SNTG2: variants seen among roughly 807,000 people sequenced by gnomAD.
SNTG2 encodes gamma-2-syntrophin.
A neutral mutation model predicts 70.9 loss-of-function variants in SNTG2; 74 were observed. That is an observed-to-expected ratio of 1.04 (90% CI 0.86 to 1.27). The LOEUF (loss-of-function observed/expected upper bound fraction) is 1.27, where lower values mean the gene tolerates loss of function less well. Among genes scored for constraint, SNTG2 ranks in the 50% most tolerant of loss-of-function variants. The pLI is 0.00. For synonymous variants in SNTG2, 278 were observed against 273.8 expected (o/e 1.02, Z -0.15); for missense variants, 717 against 690.7 (o/e 1.04, Z -0.43).
chr2:1,113,021 CTAAG>C (rs1242692377), intron 4 of SNTG2, among the ~76,000 whole-genome samples: 3 of 151,590 alleles, frequency 2.0e-5, no homozygotes, highest in Non-Finnish European at 4.4e-5. Flanking sequence ...ATCATGTGTA[CTAAG>C]TGAGGTGTAA....
At chr2:960,693 C>G (rs1423841162) in intron 1 of SNTG2, among the ~76,000 whole-genome samples, 1 of 134,470 alleles carries the variant, frequency 7.4e-6, no homozygotes, top group Non-Finnish European at 1.5e-5. Context: ...ATGGTGAGCT[C>G]TGAGGGTTCC....
intron 4 of SNTG2, among the ~76,000 whole-genome samples, chr2:1,099,797 C>T (rs868233881): frequency 6.6e-6 from 1 of 152,104 alleles, no homozygotes; most frequent in Admixed American, 6.5e-5. Context: ...AACACGTTCT[C>T]AGGGAAGAGA....
intron 8 of SNTG2, among the ~76,000 whole-genome samples, chr2:1,203,673 A>AAAAAAATATATAT (rs1451954919): frequency 6.1e-5 from 7 of 115,538 alleles, no homozygotes; most frequent in African/African-American, 2.2e-4. Flanking sequence ...CAAAAAAAAA[A>AAAAAAATATATAT]ATATATATAT....
At chr2:1,273,598 C>T (rs904161134) in intron 14 of SNTG2, among the ~76,000 whole-genome samples, 18 of 149,100 alleles carry the variant, frequency 1.2e-4, no homozygotes, top group African/African-American at 3.0e-4. Context: ...TGCCTATATA[C>T]GAAAAAAAGA....
At chr2:1,100,106 T>G (rs1228649428) in intron 4 of SNTG2, among the ~76,000 whole-genome samples, 1 of 151,784 alleles carries the variant, frequency 6.6e-6, no homozygotes, top group Non-Finnish European at 1.5e-5. Context: ...GCGGGAAAAG[T>G]GAGAGAGCTA....
In SNTG2 at chr2:995,770, T is replaced by G. The variant is rs182998304; in HGVS notation, c.72+44702T>G. On this transcript the variant is annotated intron_variant, in intron 1 of 16. Transcript: ENST00000308624. ...GAATGTGTCAATTTCATTTAAGTTA[T>G]ATAATTTTCCCAAAGCTCTTTCACA... Among the ~76,000 whole-genome samples the G allele has an allele frequency of 6.2e-3, 946 of 152,298 alleles. 14 individuals are homozygous for G. Among genetic ancestry groups the G allele is most frequent in the Non-Finnish European group, 6.7e-3 (453 of 67,996 alleles).
At chr2:1,140,517 C>T (rs1668676142) in intron 6 of SNTG2, among the ~76,000 whole-genome samples, 1 of 152,204 alleles carries the variant, frequency 6.6e-6, no homozygotes. Context: ...TCCTCTCGTA[C>T]CTGTACCTGG....
intron 11 of SNTG2, among the ~76,000 whole-genome samples, chr2:1,246,615 G>T (rs1677445517): frequency 6.6e-6 from 1 of 152,082 alleles, no homozygotes; most frequent in African/African-American, 2.4e-5. Flanking sequence ...ATGTTAATAG[G>T]TTTTCCTTGA....
At chr2:1,224,264 T>C (rs150694726) in intron 9 of SNTG2, among the ~76,000 whole-genome samples, 1,582 of 152,296 alleles carry the variant, frequency 0.01, 27 homozygotes, top group African/African-American at 0.036. Context: ...GACTTGGGGA[T>C]GGGAGTTGCT....
chr2:1,231,288 T>C (rs533709299), intron 9 of SNTG2, among the ~76,000 whole-genome samples: 13 of 151,440 alleles, frequency 8.6e-5, no homozygotes, highest in African/African-American at 2.9e-4. Flanking sequence ...AAAAGGTGAA[T>C]TACTTAGGAT....
At chr2:1,146,408 T>G (rs868347250) in intron 6 of SNTG2, among the ~76,000 whole-genome samples, 1 of 151,984 alleles carries the variant, frequency 6.6e-6, no homozygotes, top group Non-Finnish European at 1.5e-5. Flanking sequence ...TAGAAAAAAA[T>G]TAATGAAGAA....
chr2:1,049,679 A>G (rs1177354003), intron 1 of SNTG2, among the ~76,000 whole-genome samples: 2 of 152,172 alleles, frequency 1.3e-5, no homozygotes, highest in Admixed American at 6.5e-5. Flanking sequence ...CTGCTGGATG[A>G]TATGGTGAAA....
intron 6 of SNTG2, among the ~76,000 whole-genome samples, chr2:1,153,231 T>C (rs1018383268): frequency 1.3e-5 from 2 of 152,196 alleles, no homozygotes; most frequent in Non-Finnish European, 2.9e-5. Context: ...TTATAGCCAG[T>C]AAGAAACCGT....
intron 6 of SNTG2, among the ~76,000 whole-genome samples, chr2:1,138,490 G>A (rs998693174): frequency 1.3e-5 from 2 of 152,158 alleles, no homozygotes; most frequent in African/African-American, 2.4e-5. Flanking sequence ...GTGGGGACGC[G>A]TGGTCAGTCT....
intron 8 of SNTG2, among the ~76,000 whole-genome samples, chr2:1,204,439 G>C (rs535709124): frequency 6.6e-6 from 1 of 152,304 alleles, no homozygotes; most frequent in Admixed American, 6.5e-5. Flanking sequence ...CAAGTGTATG[G>C]TGATGCCTCT....
At chr2:1,216,629 A>G (rs905448808) in intron 9 of SNTG2, among the ~76,000 whole-genome samples, 10 of 152,176 alleles carry the variant, frequency 6.6e-5, no homozygotes, top group Admixed American at 1.3e-4. Context: ...TTGACATATA[A>G]TTGTCCAGGG....
intron 16 of SNTG2, chr2:1,341,003 A>G (rs1396648470): frequency 6.6e-6 from 1 of 152,200 alleles, no homozygotes; most frequent in Non-Finnish European, 1.5e-5. Flanking sequence ...AATTCTCCCA[A>G]TAGACACAGA....
intron 9 of SNTG2, among the ~76,000 whole-genome samples, chr2:1,231,603 C>T (rs1323578564): frequency 6.6e-6 from 1 of 152,164 alleles, no homozygotes; most frequent in Non-Finnish European, 1.5e-5. Flanking sequence ...TGTGCATATG[C>T]CAGCCATGAG....
At chr2:1,161,841 G>A (rs1025649532) in intron 6 of SNTG2, among the ~76,000 whole-genome samples, 38 of 151,968 alleles carry the variant, frequency 2.5e-4, no homozygotes, top group African/African-American at 6.0e-4. Context: ...TTGGGAGGCC[G>A]AGGCGGGCGG....
Sources: allele counts gnomAD v4.1 joint callset (sites outside exome capture counted in the v4.1 genomes callset), GRCh38; gene constraint gnomAD v4.1.1; transcripts MANE v1.5; gene names NCBI Gene and HGNC (gene_info 2026-07-23, HGNC 2026-07-21).